EYA1: variants seen among roughly 807,000 people sequenced by gnomAD.
EYA1 encodes protein phosphatase EYA1.
Under a neutral mutation model 82.0 loss-of-function variants are expected in EYA1, and 16 were observed. The ratio of observed to expected loss-of-function variants is 0.20; its 90% CI spans 0.13 to 0.30. EYA1 has a LOEUF of 0.30. Among genes scored for constraint, EYA1 ranks in the 10% least tolerant of loss-of-function variants. The probability of loss-of-function intolerance (pLI) is 1.00; values close to 1 mark genes in which losing one functional copy is unlikely to be tolerated. For missense variants in EYA1, 633 were observed against 730.7 expected, an observed-to-expected ratio of 0.87 and a Z score of 1.54; for synonymous variants, 261 against 264.4, an observed-to-expected ratio of 0.99 and a Z score of 0.12.
At chr8:71,236,485 TG>T (rs1811851647) in intron 12 of EYA1, among the ~76,000 whole-genome samples, 1 of 152,224 alleles carries the variant, frequency 6.6e-6, no homozygotes. Context: ...ACAAGTTTTA[TG>T]AGGATGTATT....
intron 2 of EYA1, among the ~76,000 whole-genome samples, chr8:71,417,847 C>T (rs1410452756): frequency 6.6e-6 from 1 of 152,162 alleles, no homozygotes; most frequent in Non-Finnish European, 1.5e-5. Flanking sequence ...ACTCAAATTC[C>T]ACTCTTCCTT....
chr8:71,439,725 T>C (rs1806270388), intron 2 of EYA1, among the ~76,000 whole-genome samples: 1 of 152,136 alleles, frequency 6.6e-6, no homozygotes, highest in East Asian at 1.9e-4. Flanking sequence ...GCTCAGTCAT[T>C]CATTCCACAA....
At chr8:71,207,000 C>T (rs184039015) in intron 17 of EYA1, among the ~76,000 whole-genome samples, 4 of 152,298 alleles carry the variant, frequency 2.6e-5, no homozygotes, top group Non-Finnish European at 1.5e-5. Context: ...AAGTGATCCA[C>T]ACACCTTGGC....
intron 2 of EYA1, among the ~76,000 whole-genome samples, chr8:71,486,806 C>T (rs2129219487): frequency 6.6e-6 from 1 of 152,074 alleles, no homozygotes; most frequent in East Asian, 1.9e-4. Context: ...CAGGGTCATG[C>T]TGAAAGAAAC....
In EYA1 at chr8:71,319,287, C is replaced by A. The variant is rs543030548; in HGVS notation, c.419-1598G>T. On this transcript the variant is annotated intron_variant, in intron 6 of 17. Transcript: ENST00000340726. ...CTGGGACTACAGGCACCCGCCACCA[C>A]GCCTGGCTAATTTTTTGTATTTTTA... 1.2e-4 allele frequency among the ~76,000 whole-genome samples: 19 copies of A among 152,184 alleles called. No homozygotes were observed. In the East Asian group the frequency reaches 3.3e-3, roughly 26 times the overall value.
chr8:71,454,823 A>T (rs1395769196), intron 2 of EYA1, among the ~76,000 whole-genome samples: 1 of 152,234 alleles, frequency 6.6e-6, no homozygotes, highest in Non-Finnish European at 1.5e-5. Context: ...AGCAGGAGAG[A>T]TCTAAAATTG....
chr8:71,515,771 A>G (rs1812929420), intron 2 of EYA1, among the ~76,000 whole-genome samples: 1 of 152,174 alleles, frequency 6.6e-6, no homozygotes, highest in Non-Finnish European at 1.5e-5. Context: ...AGCCCCTATC[A>G]AAACTATAAC....
At chr8:71,252,423 A>C (rs1275001312) in intron 11 of EYA1, among the ~76,000 whole-genome samples, 1 of 152,110 alleles carries the variant, frequency 6.6e-6, no homozygotes, top group Non-Finnish European at 1.5e-5. Context: ...GGAGTCATAC[A>C]TTCAAACTAG....
chr8:71,201,226 T>A (rs1806960569), intron 17 of EYA1, among the ~76,000 whole-genome samples: 1 of 143,258 alleles, frequency 7.0e-6, no homozygotes, highest in Non-Finnish European at 1.5e-5. Context: ...ATTGTACTAG[T>A]TAAAAAAAAA....
intron 2 of EYA1, among the ~76,000 whole-genome samples, chr8:71,440,201 C>T (rs993310546): frequency 3.9e-5 from 6 of 152,214 alleles, no homozygotes; most frequent in South Asian, 2.1e-4. Flanking sequence ...AAGATTTGGA[C>T]GCAGAAGCCA....
chr8:71,426,284 C>T (rs1351426990), intron 2 of EYA1, among the ~76,000 whole-genome samples: 1 of 152,166 alleles, frequency 6.6e-6, no homozygotes, highest in Non-Finnish European at 1.5e-5. Flanking sequence ...GTAGAATTAT[C>T]GTTTCCATGT....
intron 1 of EYA1, among the ~76,000 whole-genome samples, chr8:71,357,100 A>G (rs1325899500): frequency 1.3e-5 from 2 of 152,198 alleles, no homozygotes; most frequent in African/African-American, 4.8e-5. Flanking sequence ...GACTAACTAT[A>G]TAAGGCAAAG....
intron 3 of EYA1, among the ~76,000 whole-genome samples, chr8:71,344,473 A>G (rs758981423): frequency 9.2e-5 from 14 of 152,216 alleles, no homozygotes; most frequent in Admixed American, 3.3e-4. Flanking sequence ...TTTGCTCCTC[A>G]TGGCAACTTT....
chr8:71,415,524 C>T (rs1041767704), intron 2 of EYA1, among the ~76,000 whole-genome samples: 1 of 152,166 alleles, frequency 6.6e-6, no homozygotes, highest in African/African-American at 2.4e-5. Context: ...AGCTGCTCTG[C>T]TTCAGTCTGT....
At chr8:71,427,909 G>T (rs554276390) in intron 2 of EYA1, among the ~76,000 whole-genome samples, 1 of 151,664 alleles carries the variant, frequency 6.6e-6, no homozygotes, top group Non-Finnish European at 1.5e-5. Context: ...GAGCCTGGGA[G>T]GTCGAGGCTG....
chr8:71,222,750 A>G (rs532611275), intron 12 of EYA1, among the ~76,000 whole-genome samples: 2 of 152,246 alleles, frequency 1.3e-5, no homozygotes, highest in Non-Finnish European at 2.9e-5. Flanking sequence ...AAATAATGTG[A>G]GATAAATGCT....
chr8:71,302,515 T>TGAAGTTTCAGTGAGCC (rs1289847076), intron 7 of EYA1, among the ~76,000 whole-genome samples: 3 of 144,394 alleles, frequency 2.1e-5, no homozygotes, highest in South Asian at 2.2e-4. Context: ...GACTGCAGGC[T>TGAAGTTTCAGTGAGCC]GAGATTCCAT....
chr8:71,234,549 T>G (rs1296292712), intron 12 of EYA1, among the ~76,000 whole-genome samples: 1 of 152,154 alleles, frequency 6.6e-6, no homozygotes, highest in Non-Finnish European at 1.5e-5. Flanking sequence ...AGTATACCAC[T>G]CCCTCCTTCT....
intron 9 of EYA1, among the ~76,000 whole-genome samples, chr8:71,281,982 CA>C (rs1817860717): frequency 6.6e-6 from 1 of 152,150 alleles, no homozygotes; most frequent in Admixed American, 6.5e-5. Context: ...TATTATGCAC[CA>C]GGGGTGTCAT....
Sources: allele counts gnomAD v4.1 joint callset (sites outside exome capture counted in the v4.1 genomes callset), GRCh38; gene constraint gnomAD v4.1.1; transcripts MANE v1.5; gene names NCBI Gene and HGNC (gene_info 2026-07-23, HGNC 2026-07-21).